CDH12: variants seen among roughly 807,000 people sequenced by gnomAD.
CDH12 encodes the protein cadherin-12.
Under a neutral mutation model 74.1 loss-of-function variants are expected in CDH12, and 41 were observed. That is an observed-to-expected ratio of 0.55 (90% CI 0.43 to 0.72). The LOEUF is 0.72. Ranked by LOEUF, CDH12 falls within the 30% of genes least tolerant of loss-of-function variation. The pLI, the probability that CDH12 is intolerant of heterozygous loss-of-function variation, is 0.00. For synonymous variants in CDH12, 399 were observed against 355.0 expected, an observed-to-expected ratio of 1.12 and a Z score of -1.39; for missense variants, 945 against 977.2, an observed-to-expected ratio of 0.97 and a Z score of 0.44.
intron 7 of CDH12, among the ~76,000 whole-genome samples, chr5:21,842,608 A>C (rs1749934741): frequency 6.6e-6 from 1 of 152,168 alleles, no homozygotes; most frequent in Non-Finnish European, 1.5e-5. Flanking sequence ...TTCATAAGTA[A>C]GCCAAGTTAG....
chr5:22,598,430 G>A (rs1000014089), intron 1 of CDH12, among the ~76,000 whole-genome samples: 5 of 152,030 alleles, frequency 3.3e-5, no homozygotes, highest in South Asian at 2.1e-4. Context: ...TTCACTCGGC[G>A]CTCACTCTCT....
intron 8 of CDH12, among the ~76,000 whole-genome samples, chr5:21,826,648 G>C (rs930620107): frequency 2.0e-5 from 3 of 152,108 alleles, no homozygotes; most frequent in African/African-American, 7.2e-5. Context: ...CTTTCATGTA[G>C]CGGGGAAATT....
At chr5:22,603,017 G>A (rs1736923187) in intron 1 of CDH12, among the ~76,000 whole-genome samples, 1 of 152,226 alleles carries the variant, frequency 6.6e-6, no homozygotes, top group Admixed American at 6.5e-5. Flanking sequence ...AGATGTAAGA[G>A]GCTGATCACT....
intron 11 of CDH12, among the ~76,000 whole-genome samples, chr5:21,770,493 G>A (rs1745261359): frequency 6.6e-6 from 1 of 151,814 alleles, no homozygotes; most frequent in Non-Finnish European, 1.5e-5. Context: ...GCATGGTGGT[G>A]GGCGCCTGTA....
chr5:22,633,029 T>C (rs1395594293), intron 1 of CDH12, among the ~76,000 whole-genome samples: 3 of 152,116 alleles, frequency 2.0e-5, no homozygotes, highest in East Asian at 3.8e-4. Context: ...TCAGAAACAA[T>C]GGATGCCAGG....
At chr5:21,967,030 A>G (rs1029077684) in intron 6 of CDH12, among the ~76,000 whole-genome samples, 2 of 152,110 alleles carry the variant, frequency 1.3e-5, no homozygotes, top group East Asian at 1.9e-4. Flanking sequence ...GGTATAATTC[A>G]TCAGTGTCTG....
At chr5:22,291,374 A>C (rs1737382144) in intron 3 of CDH12, among the ~76,000 whole-genome samples, 1 of 152,184 alleles carries the variant, frequency 6.6e-6, no homozygotes, top group Non-Finnish European at 1.5e-5. Context: ...CAATTATGCA[A>C]GAGAAAGAAA....
intron 3 of CDH12, among the ~76,000 whole-genome samples, chr5:22,392,022 C>G (rs771809719): frequency 9.9e-5 from 15 of 152,092 alleles, no homozygotes; most frequent in Admixed American, 7.2e-4. Context: ...GAATGTCAGA[C>G]GAGAAAACTT....
At chr5:22,642,593 A>C (rs889794476) in intron 1 of CDH12, among the ~76,000 whole-genome samples, 3 of 152,206 alleles carry the variant, frequency 2.0e-5, no homozygotes, top group African/African-American at 7.2e-5. Context: ...TGAAAATCAG[A>C]ATGCCAGAAA....
intron 3 of CDH12, among the ~76,000 whole-genome samples, chr5:22,306,104 CTCTT>C (rs1738097225): frequency 6.6e-6 from 1 of 152,148 alleles, no homozygotes; most frequent in Non-Finnish European, 1.5e-5. Context: ...TTTGTTCAGG[CTCTT>C]TCTTCTGATA....
intron 1 of CDH12, among the ~76,000 whole-genome samples, chr5:22,831,068 A>C (rs1736580371): frequency 6.6e-6 from 1 of 152,058 alleles, no homozygotes; most frequent in Non-Finnish European, 1.5e-5. Flanking sequence ...TTAAAAGATG[A>C]GAGATTCAAG....
At position 22,645,424 on chromosome 5, in the gene CDH12, A is replaced by G. The variant is rs563865154; in HGVS notation, c.-522-140060T>C. 8.9e-4 allele frequency among the ~76,000 whole-genome samples: 135 copies of G among 152,166 alleles called. No individual in the cohort carries two copies. The South Asian group carries it at 9.9e-3, about 11-fold the overall frequency. On this transcript the variant is annotated intron_variant, in intron 1 of 14. Coordinates refer to ENST00000382254, the MANE Select transcript of CDH12 (RefSeq NM_004061.5). ...GCTGAATGTGGGGCTAGATTGCTGA[A>G]ATCTGCTGATAAAACTTGAACAGAT...
intron 1 of CDH12, among the ~76,000 whole-genome samples, chr5:22,646,731 C>T (rs1447073242): frequency 6.6e-6 from 1 of 151,854 alleles, no homozygotes. Context: ...GAATGCAGGA[C>T]AATTCAAATC....
At chr5:22,594,422 C>T (rs1435324377) in intron 1 of CDH12, among the ~76,000 whole-genome samples, 1 of 152,146 alleles carries the variant, frequency 6.6e-6, no homozygotes, top group African/African-American at 2.4e-5. Flanking sequence ...ACGTACTCAT[C>T]TCCATCCAGG....
intron 1 of CDH12, among the ~76,000 whole-genome samples, chr5:22,511,788 G>A (rs1736621164): frequency 6.6e-6 from 1 of 152,144 alleles, no homozygotes; most frequent in African/African-American, 2.4e-5. Context: ...CTATAGCTTT[G>A]TTCAAATTCC....
intron 4 of CDH12, among the ~76,000 whole-genome samples, chr5:22,179,534 CATT>C (rs578187264): frequency 4.5e-4 from 69 of 152,248 alleles, no homozygotes; most frequent in African/African-American, 1.6e-3. Flanking sequence ...AAAATTCAGT[CATT>C]ATTCTTCTAA....
At chr5:22,490,728 A>C (rs1332556506) in intron 2 of CDH12, among the ~76,000 whole-genome samples, 17 of 152,128 alleles carry the variant, frequency 1.1e-4, no homozygotes, top group Non-Finnish European at 4.4e-5. Context: ...CACACAACTA[A>C]CTACCTCCTA....
At chr5:22,434,907 A>G (rs1312200870) in intron 2 of CDH12, among the ~76,000 whole-genome samples, 1 of 152,168 alleles carries the variant, frequency 6.6e-6, no homozygotes, top group Non-Finnish European at 1.5e-5. Context: ...TATGACTGAA[A>G]CAGTGAAAGA....
intron 6 of CDH12, among the ~76,000 whole-genome samples, chr5:21,962,878 A>G (rs1204503721): frequency 6.6e-6 from 1 of 152,112 alleles, no homozygotes; most frequent in Non-Finnish European, 1.5e-5. Flanking sequence ...GTTACTACTG[A>G]TATCTTATTC....
Sources: gnomAD v4.1 joint callset for allele counts (sites outside exome capture counted in the v4.1 genomes callset) on GRCh38, gnomAD v4.1.1 for gene constraint, MANE v1.5 for transcripts, NCBI Gene and HGNC (gene_info 2026-07-23, HGNC 2026-07-21) for gene names.